The following MYO5B variants were observed in gnomAD, a reference collection of about 807,000 sequenced individuals.
MYO5B encodes unconventional myosin-Vb.
In MYO5B, 143 loss-of-function variants were observed where a neutral mutation model predicts 229.3. That is an observed-to-expected ratio of 0.62 (90% CI 0.54 to 0.72). The LOEUF (loss-of-function observed/expected upper bound fraction) is 0.72, where lower values mean the gene tolerates loss of function less well. Among genes scored for constraint, MYO5B ranks in the 30% least tolerant of loss-of-function variants. MYO5B has a pLI of 0.00. For missense variants in MYO5B, 2,321 were observed against 2,331.0 expected, an observed-to-expected ratio of 1.00 and a Z score of 0.09; for synonymous variants, 918 against 885.2, an observed-to-expected ratio of 1.04 and a Z score of -0.66.
chr18:50,184,584 T>C (rs12964072), intron 1 of MYO5B, among the ~76,000 whole-genome samples: 76,136 of 151,930 alleles, frequency 0.5, 19,236 homozygotes, highest in Admixed American at 0.59. Context: ...TGAGAAGTGA[T>C]TTGGCACAAA....
chr18:49,978,828 T>A (rs1018769835), intron 9 of MYO5B, among the ~76,000 whole-genome samples: 2 of 151,476 alleles, frequency 1.3e-5, no homozygotes, highest in East Asian at 1.9e-4. Flanking sequence ...AGCAGGGTGT[T>A]GGGCGGGCTG....
At chr18:50,025,537 A>T (rs2026321297) in intron 4 of MYO5B, among the ~76,000 whole-genome samples, 1 of 152,192 alleles carries the variant, frequency 6.6e-6, no homozygotes, top group Non-Finnish European at 1.5e-5. Flanking sequence ...GTCTCAGTGT[A>T]ACTGGTCTGT....
chr18:50,104,364 A>G (rs556157039), intron 1 of MYO5B, among the ~76,000 whole-genome samples: 16 of 151,246 alleles, frequency 1.1e-4, no homozygotes, highest in African/African-American at 3.1e-4. Context: ...AAAATTTACC[A>G]ATTTTTAAAA....
chr18:50,147,440 A>C (rs1200446212), intron 1 of MYO5B, among the ~76,000 whole-genome samples: 1 of 152,174 alleles, frequency 6.6e-6, no homozygotes, highest in East Asian at 1.9e-4. Flanking sequence ...CTCTGCCTCC[A>C]GTCCAGCCGC....
intron 1 of MYO5B, among the ~76,000 whole-genome samples, chr18:50,093,914 G>A (rs554238548): frequency 9.7e-4 from 147 of 152,212 alleles, no homozygotes; most frequent in African/African-American, 3.1e-3. Context: ...CCCCTTTCCC[G>A]GAAAACTCAT....
chr18:49,916,305 C>CTGG (rs1374790125), intron 17 of MYO5B, among the ~76,000 whole-genome samples: 1 of 152,166 alleles, frequency 6.6e-6, no homozygotes, highest in Non-Finnish European at 1.5e-5. Context: ...ACATCAAGGC[C>CTGG]AGTACAGGAT....
Position 49,884,364 on chromosome 18 carries a change from C to G in MYO5B, c.3046-3909G>C, listed in dbSNP as rs112141974. 2.8e-3 allele frequency among the ~76,000 whole-genome samples: 433 copies of G among 152,094 alleles called. 1 individual carries two copies. The highest frequency in any genetic ancestry group is 9.8e-3 in the African/African-American group (407 of 41,508). On this transcript the variant is annotated intron_variant, in intron 22 of 39. Transcript: ENST00000285039. Reference sequence around the variant, plus strand: ...TTTATATTTATTATATACTTTATTTCTATTATTATTACATTGTAATATACA... The same window carrying G: ...TTTATATTTATTATATACTTTATTTGTATTATTATTACATTGTAATATACA...
chr18:49,904,584 T>C (rs2024877938), intron 20 of MYO5B, 88 bp downstream of exon 20: 6 of 1,556,744 alleles, frequency 3.9e-6, no homozygotes, highest in Admixed American at 1.7e-5. Flanking sequence ...TTGGGAGTGC[T>C]TGACAGAGGT....
intron 8 of MYO5B, 128 bp downstream of exon 8, chr18:49,984,590 A>G (rs765839808): frequency 3.7e-5 from 28 of 754,620 alleles, no homozygotes; most frequent in Non-Finnish European, 6.2e-5. Flanking sequence ...GACATTCACC[A>G]GGGGCAAGAG....
rs560997848 is a variant in MYO5B at position 50,126,660 on chromosome 18, C to G, written c.27+68107G>C. On this transcript the variant is annotated intron_variant, in intron 1 of 39. Transcript: ENST00000285039. ...AAGCTCTAGCAAACTCCCTAGTGAACAGCAGTCATGCGTGAATCATCTCCA... is the reference window on the plus strand; with the variant it reads ...AAGCTCTAGCAAACTCCCTAGTGAAGAGCAGTCATGCGTGAATCATCTCCA... The G allele has an allele frequency of 1.9e-5, 3 of 154,922 alleles. No individual in the cohort carries two copies. In the South Asian group the frequency reaches 6.1e-4, roughly 31 times the overall value. 9.6% of individuals were successfully genotyped at this position (154,922 alleles called of 1,614,324 possible).
intron 2 of MYO5B, among the ~76,000 whole-genome samples, chr18:50,045,429 T>C (rs1249354097): frequency 6.6e-6 from 1 of 152,238 alleles, no homozygotes; most frequent in Non-Finnish European, 1.5e-5. Flanking sequence ...AGTCTTGCTC[T>C]ACTGCCCAGC....
At chr18:49,858,978 AATGT>A (rs2024295728) in intron 29 of MYO5B, among the ~76,000 whole-genome samples, 1 of 152,216 alleles carries the variant, frequency 6.6e-6, no homozygotes, top group South Asian at 2.1e-4. Context: ...TTTTGTTGAA[AATGT>A]AAGTGCTTGA....
At chr18:49,936,230 C>T in intron 16 of MYO5B, 22 bp downstream of exon 16, 2 of 1,558,790 alleles carry the variant, frequency 1.3e-6, no homozygotes, top group Non-Finnish European at 1.7e-6. Flanking sequence ...GCTGGACAGG[C>T]TAATGCCCAG....
rs2023822178 is a variant in MYO5B at position 49,824,828 on chromosome 18, A to G, written c.*1643T>C. On this transcript the variant is annotated 3_prime_UTR_variant, in exon 40 of 40. Transcript: ENST00000285039. ...TGCCCAAGAGAAGCCGGCATGTTTA[A>G]TGTGGATGTAGAGGGGATAATGCCC... 6.6e-6 allele frequency: 1 copy of G among 152,228 alleles called. No homozygotes were observed. The allele number at this position is 152,228 out of a possible 1,614,324, so 9.4% of individuals were successfully genotyped here. A position where few individuals can be genotyped will look rare whatever the true frequency, so the allele number is the denominator to read the frequency against.
At chr18:50,024,874 G>A (rs890561774) in intron 4 of MYO5B, among the ~76,000 whole-genome samples, 1 of 152,188 alleles carries the variant, frequency 6.6e-6, no homozygotes, top group Non-Finnish European at 1.5e-5. Flanking sequence ...TTAAAATTAA[G>A]AGCTTTGGGG....
chr18:49,848,233 G>A (rs1236125678), intron 32 of MYO5B, among the ~76,000 whole-genome samples: 2 of 152,206 alleles, frequency 1.3e-5, no homozygotes, highest in African/African-American at 2.4e-5. Context: ...CCAGGAGTGT[G>A]TGATGTGGGT....
chr18:50,040,337 C>T, intron 2 of MYO5B, 23 bp from the exon 3 acceptor site: 1 of 1,612,026 alleles, frequency 6.2e-7, no homozygotes, highest in Non-Finnish European at 8.5e-7. Flanking sequence ...AAGTAGCAGA[C>T]ACAAAAAGGT....
At chr18:49,973,983 T>C (rs911179667) in intron 10 of MYO5B, among the ~76,000 whole-genome samples, 6 of 152,188 alleles carry the variant, frequency 3.9e-5, no homozygotes, top group African/African-American at 1.4e-4. Flanking sequence ...GATACAGAAC[T>C]TGAATTTAAG....
intron 7 of MYO5B, among the ~76,000 whole-genome samples, chr18:49,985,236 A>T (rs1014875716): frequency 3.3e-5 from 5 of 152,216 alleles, no homozygotes; most frequent in African/African-American, 7.2e-5. Context: ...TCATTTGACA[A>T]ATGAGGAACA....
Sources: gnomAD v4.1 joint callset for allele counts (sites outside exome capture counted in the v4.1 genomes callset) on GRCh38, gnomAD v4.1.1 for gene constraint, MANE v1.5 for transcripts, NCBI Gene and HGNC (gene_info 2026-07-23, HGNC 2026-07-21) for gene names.